Variants in PARD3 observed in about 807,000 individuals in gnomAD.
PARD3 encodes the protein partitioning defective 3 homolog.
In PARD3, 75 loss-of-function variants were observed where a neutral mutation model predicts 155.4. The ratio of observed to expected loss-of-function variants is 0.48; its 90% CI spans 0.40 to 0.58. The LOEUF (loss-of-function observed/expected upper bound fraction) is 0.58. PARD3 is among the 20% of genes least tolerant of loss of function. PARD3 has a pLI of 0.00. For synonymous variants in PARD3, 576 were observed against 610.5 expected, an observed-to-expected ratio of 0.94 and a Z score of 0.83; for missense variants, 1,642 against 1,721.7, an observed-to-expected ratio of 0.95 and a Z score of 0.82.
chr10:34,177,772 C>A (rs989777018), intron 22 of PARD3, among the ~76,000 whole-genome samples: 1 of 152,184 alleles, frequency 6.6e-6, no homozygotes, highest in Admixed American at 6.5e-5. Context: ...CTGGTGCCTG[C>A]GAACCGCTCA....
intron 2 of PARD3, among the ~76,000 whole-genome samples, chr10:34,538,884 C>G (rs964437702): frequency 3.3e-5 from 5 of 152,200 alleles, no homozygotes; most frequent in Non-Finnish European, 7.3e-5. Flanking sequence ...CCTGGAACAC[C>G]AACCGTGACT....
At chr10:34,803,299 G>A (rs1406377325) in intron 1 of PARD3, among the ~76,000 whole-genome samples, 1 of 151,480 alleles carries the variant, frequency 6.6e-6, no homozygotes, top group East Asian at 1.9e-4. Flanking sequence ...GCTCACAAAG[G>A]TACTTCTCTT....
intron 22 of PARD3, among the ~76,000 whole-genome samples, chr10:34,137,513 A>G (rs1947963911): frequency 6.6e-6 from 1 of 152,344 alleles, no homozygotes; most frequent in Admixed American, 6.5e-5. Flanking sequence ...TATAATCAAT[A>G]TGTGTTGTTT....
At chr10:34,360,358 G>C (rs1182653697) in intron 12 of PARD3, 99 bp from the exon 13 acceptor site, 1 of 780,638 alleles carries the variant, frequency 1.3e-6, no homozygotes, top group Non-Finnish European at 2.1e-6. Flanking sequence ...AATCATAAGA[G>C]GCAAAATATT....
At chr10:34,653,161 G>A (rs1048143495) in intron 2 of PARD3, among the ~76,000 whole-genome samples, 1 of 152,088 alleles carries the variant, frequency 6.6e-6, no homozygotes, top group African/African-American at 2.4e-5. Context: ...GGTATTTTGG[G>A]CTGTTACAAG....
chr10:34,197,250 A>T (rs747421168), intron 22 of PARD3, among the ~76,000 whole-genome samples: 30 of 152,182 alleles, frequency 2.0e-4, no homozygotes, highest in Non-Finnish European at 1.2e-4. Context: ...TTGCTTCTCA[A>T]GATTGAGTTG....
intron 2 of PARD3, among the ~76,000 whole-genome samples, chr10:34,529,686 G>A (rs2082709050): frequency 6.6e-6 from 1 of 151,946 alleles, no homozygotes; most frequent in South Asian, 2.1e-4. Flanking sequence ...TAAACCTAGA[G>A]AAATGAAAAT....
At chr10:34,528,453 G>A (rs1019423412) in intron 2 of PARD3, among the ~76,000 whole-genome samples, 3 of 152,138 alleles carry the variant, frequency 2.0e-5, no homozygotes, top group Non-Finnish European at 4.4e-5. Context: ...CTCTCAAGAT[G>A]AGTCAGCCTC....
intron 2 of PARD3, among the ~76,000 whole-genome samples, chr10:34,528,254 G>C (rs2082610303): frequency 1.3e-5 from 2 of 152,182 alleles, no homozygotes; most frequent in Non-Finnish European, 2.9e-5. Context: ...AGCACAAAGA[G>C]TTTAAAAATT....
intron 1 of PARD3, among the ~76,000 whole-genome samples, chr10:34,791,964 C>T (rs1169276093): frequency 1.3e-5 from 2 of 152,166 alleles, no homozygotes; most frequent in African/African-American, 2.4e-5. Flanking sequence ...CACGGACTTC[C>T]CTCTCTGCTT....
intron 18 of PARD3, among the ~76,000 whole-genome samples, chr10:34,333,539 A>T (rs1285110004): frequency 6.6e-6 from 1 of 152,100 alleles, no homozygotes; most frequent in Non-Finnish European, 1.5e-5. Flanking sequence ...AAGGTCAATG[A>T]ACTACTCTCT....
At position 34,378,133 on chromosome 10, in the gene PARD3, AAAT is replaced by A. The variant is rs745730432; in HGVS notation, c.1400-30_1400-28del. 1.1e-5 allele frequency: 17 copies of A among 1,541,324 alleles called. No individual in the cohort carries two copies. The Admixed American group carries it at 3.5e-4, about 32-fold the overall frequency. On this transcript the variant is annotated intron_variant, in intron 9 of 24. Transcript: ENST00000374788. The stretch of plus-strand genomic sequence containing the variant: ...TAGGTATGTGAAGGAGAAGAAAAGT[AAAT>A]AAAATGAGATATCTTGAATTTTACA...
chr10:34,802,365 T>A (rs1441695641), intron 1 of PARD3, among the ~76,000 whole-genome samples: 3 of 152,132 alleles, frequency 2.0e-5, no homozygotes, highest in Admixed American at 6.5e-5. Flanking sequence ...GCTGATTTTG[T>A]GAAATAGCCA....
At chr10:34,404,095 A>G (rs1844187076) in intron 5 of PARD3, among the ~76,000 whole-genome samples, 1 of 152,158 alleles carries the variant, frequency 6.6e-6, no homozygotes, top group African/African-American at 2.4e-5. Context: ...GAGCATGGAG[A>G]ATATTATTTC....
chr10:34,181,137 A>G (rs1288883209), intron 22 of PARD3, among the ~76,000 whole-genome samples: 2 of 152,222 alleles, frequency 1.3e-5, no homozygotes, highest in African/African-American at 4.8e-5. Flanking sequence ...CATTACTGCT[A>G]CCACAATATA....
chr10:34,489,494 T>C (rs560109082), intron 3 of PARD3, among the ~76,000 whole-genome samples: 3 of 152,360 alleles, frequency 2.0e-5, no homozygotes, highest in East Asian at 1.9e-4. Flanking sequence ...CTGTCTTAAC[T>C]GTTCCAGTTT....
chr10:34,578,836 T>C (rs2087125974), intron 2 of PARD3, among the ~76,000 whole-genome samples: 1 of 152,238 alleles, frequency 6.6e-6, no homozygotes, highest in Non-Finnish European at 1.5e-5. Context: ...ACTAGACTTT[T>C]ATGTGGCTGA....
At chr10:34,526,602 C>A (rs776436643) in intron 2 of PARD3, among the ~76,000 whole-genome samples, 8 of 152,144 alleles carry the variant, frequency 5.3e-5, no homozygotes, top group Non-Finnish European at 1.2e-4. Context: ...TCTTTCTAGT[C>A]TTTTTACCTC....
intron 20 of PARD3, among the ~76,000 whole-genome samples, chr10:34,304,172 A>T (rs553317841): frequency 1.3e-5 from 2 of 152,166 alleles, no homozygotes; most frequent in South Asian, 4.2e-4. Flanking sequence ...GACAGCTGGT[A>T]AGTTTTTCAT....
Sources: gnomAD v4.1 joint callset for allele counts (sites outside exome capture counted in the v4.1 genomes callset) on GRCh38, gnomAD v4.1.1 for gene constraint, MANE v1.5 for transcripts, NCBI Gene and HGNC (gene_info 2026-07-23, HGNC 2026-07-21) for gene names.